Variants in FCHO2 observed in about 807,000 individuals in gnomAD.
FCHO2 encodes FCH and mu domain containing endocytic adaptor 2.
Under a neutral mutation model 114.1 loss-of-function variants are expected in FCHO2, and 43 were observed. The observed-to-expected ratio is 0.38, with a 90% confidence interval of 0.30 to 0.49. FCHO2 has a LOEUF of 0.49. Among genes scored for constraint, FCHO2 ranks in the 20% least tolerant of loss-of-function variants. The pLI, the probability that FCHO2 is intolerant of heterozygous loss-of-function variation, is 0.97. For synonymous variants in FCHO2, 293 were observed against 315.2 expected (o/e 0.93, Z 0.75); for missense variants, 807 against 950.4 (o/e 0.85, Z 1.98).
chr5:72,994,144 A>C (rs549280829), intron 5 of FCHO2, among the ~76,000 whole-genome samples: 1 of 152,352 alleles, frequency 6.6e-6, no homozygotes, highest in South Asian at 2.1e-4. Context: ...ATAGGATCTA[A>C]TTAAACGTAA....
At chr5:72,987,020 C>T (rs925900271) in intron 2 of FCHO2, among the ~76,000 whole-genome samples, 1 of 151,688 alleles carries the variant, frequency 6.6e-6, no homozygotes, top group South Asian at 2.1e-4. Flanking sequence ...GGATTACAGG[C>T]GTGTGTCACC....
At chr5:73,056,743 A>G (rs983626601) in intron 16 of FCHO2, among the ~76,000 whole-genome samples, 2 of 152,122 alleles carry the variant, frequency 1.3e-5, no homozygotes, top group African/African-American at 4.8e-5. Context: ...TCTCATGGGA[A>G]TTTTCTCATT....
chr5:72,956,062 G>A lies in FCHO2; in HGVS notation c.-35G>A. On this transcript the variant is annotated 5_prime_UTR_variant, in exon 1 of 26. Coordinates refer to ENST00000430046, the MANE Select transcript of FCHO2 (RefSeq NM_138782.3). The stretch of plus-strand genomic sequence containing the variant: ...GGCCGTGTTTACACAGCGGCGGGCG[G>A]GCGCGGACGCGGAACCCGGCGCGGC... 6.5e-7 allele frequency: 1 copy of A among 1,539,460 alleles called. No homozygotes were observed.
intron 8 of FCHO2, among the ~76,000 whole-genome samples, chr5:73,030,532 C>T (rs1756180382): frequency 6.6e-6 from 1 of 152,250 alleles, no homozygotes; most frequent in Non-Finnish European, 1.5e-5. Context: ...TCCCAAGATG[C>T]TCTGGGCTTT....
intron 5 of FCHO2, chr5:72,997,328 G>A: frequency 6.3e-7 from 1 of 1,575,966 alleles, no homozygotes; most frequent in Non-Finnish European, 8.7e-7. Flanking sequence ...CTATGGCTCT[G>A]CTGTGGCAGA....
chr5:73,005,579 C>G (rs1754673042), intron 5 of FCHO2, among the ~76,000 whole-genome samples: 1 of 152,064 alleles, frequency 6.6e-6, no homozygotes, highest in South Asian at 2.1e-4. Flanking sequence ...TTAGTCCAAC[C>G]ACATCACTCC....
chr5:73,011,984 G>A (rs990866588), intron 6 of FCHO2, among the ~76,000 whole-genome samples: 3 of 151,870 alleles, frequency 2.0e-5, no homozygotes, highest in Non-Finnish European at 2.9e-5. Context: ...GCTGGAGGCT[G>A]TTTTACAGTT....
intron 9 of FCHO2, among the ~76,000 whole-genome samples, chr5:73,036,338 T>G (rs561292199): frequency 3.9e-5 from 6 of 152,244 alleles, no homozygotes; most frequent in South Asian, 2.1e-4. Context: ...GTAAACTTAC[T>G]TCTTTTTTGT....
intron 1 of FCHO2, among the ~76,000 whole-genome samples, chr5:72,967,103 T>A (rs1561404548): frequency 6.6e-6 from 1 of 152,174 alleles, no homozygotes; most frequent in Non-Finnish European, 1.5e-5. Flanking sequence ...CTGGCCAACA[T>A]GGCAAAACCC....
intron 6 of FCHO2, among the ~76,000 whole-genome samples, chr5:73,007,367 A>G (rs1198116384): frequency 6.6e-6 from 1 of 152,234 alleles, no homozygotes; most frequent in African/African-American, 2.4e-5. Flanking sequence ...GAAACAGTGA[A>G]GCACATGAGT....
chr5:72,962,453 T>C (rs955237565), intron 1 of FCHO2, among the ~76,000 whole-genome samples: 1 of 152,190 alleles, frequency 6.6e-6, no homozygotes, highest in Non-Finnish European at 1.5e-5. Context: ...AGGTATCTCC[T>C]GAGATTATCC....
At chr5:73,062,746 T>C (rs891039197) in intron 17 of FCHO2, among the ~76,000 whole-genome samples, 1 of 152,124 alleles carries the variant, frequency 6.6e-6, no homozygotes, top group Non-Finnish European at 1.5e-5. Flanking sequence ...TCCGTGTGAC[T>C]ACCTTTTTCT....
chr5:72,963,902 G>GTTTTTTTTTTT, intron 1 of FCHO2, among the ~76,000 whole-genome samples: 1 of 95,694 alleles, frequency 1.0e-5, no homozygotes, highest in Non-Finnish European at 1.9e-5. Context: ...GGAACTTTCA[G>GTTTTTTTTTTT]TTTTTTTTTT....
At chr5:73,015,827 C>T (rs1342339966) in intron 7 of FCHO2, 103 bp downstream of exon 7, 1 of 535,114 alleles carries the variant, frequency 1.9e-6, no homozygotes. Context: ...AAGTATAATA[C>T]CGAATTTTTC....
Position 72,997,333 on chromosome 5 carries a change from G to A in FCHO2, c.495+6469G>A, listed in dbSNP as rs919423780. 4.4e-6 allele frequency: 7 copies of A among 1,576,358 alleles called. No homozygotes were observed. The Admixed American group carries it at 1.2e-4, about 26-fold the overall frequency. Reference sequence around the variant, plus strand: ...GCATGGAGATCTATGGCTCTGCTGTGGCAGATAAACTGGACAATAGCAGAA... The same window carrying A: ...GCATGGAGATCTATGGCTCTGCTGTAGCAGATAAACTGGACAATAGCAGAA... On this transcript the variant is annotated intron_variant, in intron 5 of 25. Coordinates refer to ENST00000430046, the MANE Select transcript of FCHO2 (RefSeq NM_138782.3).
At chr5:72,959,974 C>T (rs1014053381) in intron 1 of FCHO2, among the ~76,000 whole-genome samples, 1 of 152,082 alleles carries the variant, frequency 6.6e-6, no homozygotes, top group African/African-American at 2.4e-5. Flanking sequence ...GAGATGAGAT[C>T]TCGCTATGTT....
At chr5:72,998,630 G>T (rs1351145547) in intron 5 of FCHO2, among the ~76,000 whole-genome samples, 9 of 151,228 alleles carry the variant, frequency 6.0e-5, no homozygotes, top group African/African-American at 2.2e-4. Flanking sequence ...CTATCCAGAG[G>T]ATTAAAGTAC....
At chr5:73,074,983 T>C in intron 20 of FCHO2, 130 bp downstream of exon 20, 1 of 705,662 alleles carries the variant, frequency 1.4e-6, no homozygotes, top group East Asian at 2.8e-5. Context: ...GTTGTTTATT[T>C]ACCTGCTTTT....
chr5:73,038,283 GTTTTGCTCTT>G (rs1756632162), intron 10 of FCHO2, among the ~76,000 whole-genome samples: 1 of 152,042 alleles, frequency 6.6e-6, no homozygotes, highest in Non-Finnish European at 1.5e-5. Context: ...CTCAACATAG[GTTTTGCTCTT>G]TTTTGTTTTA....
Sources: allele counts gnomAD v4.1 joint callset (sites outside exome capture counted in the v4.1 genomes callset), GRCh38; gene constraint gnomAD v4.1.1; transcripts MANE v1.5; gene names NCBI Gene and HGNC (gene_info 2026-07-23, HGNC 2026-07-21).